The following NCAM2 variants were observed in gnomAD, a reference collection of about 807,000 sequenced individuals.
The protein encoded by NCAM2 is N-CAM-2.
NCAM2 carries 30 observed loss-of-function variants against 98.1 expected under a neutral mutation model. The observed-to-expected ratio is 0.31, with a 90% CI of 0.23 to 0.41. The LOEUF (loss-of-function observed/expected upper bound fraction) is 0.41, where lower values mean the gene tolerates loss of function less well. NCAM2 is among the 10% of genes least tolerant of loss of function. The pLI is 1.00. For missense variants in NCAM2, 867 were observed against 1,005.8 expected (o/e 0.86, Z 1.87); for synonymous variants, 368 against 342.4 (o/e 1.07, Z -0.83).
chr21:20,998,849 G>C (rs2063968164), intron 1 of NCAM2, among the ~76,000 whole-genome samples: 2 of 152,138 alleles, frequency 1.3e-5, no homozygotes, highest in Non-Finnish European at 1.5e-5. Flanking sequence ...AGGGGAATCG[G>C]TGAGCAGGAT....
intron 16 of NCAM2, among the ~76,000 whole-genome samples, chr21:21,512,921 G>T (rs897198118): frequency 2.0e-5 from 3 of 151,850 alleles, no homozygotes; most frequent in Non-Finnish European, 4.4e-5. Flanking sequence ...ACTGATTATT[G>T]TACGTTGATT....
chr21:21,418,191 G>A (rs542129361), intron 10 of NCAM2, among the ~76,000 whole-genome samples: 278 of 152,034 alleles, frequency 1.8e-3, no homozygotes, highest in Non-Finnish European at 3.0e-3. Context: ...TAATGGTTAT[G>A]CTATTTAATA....
At chr21:21,264,882 ATATATATATGTGTGTG>A (rs2072080848) in intron 1 of NCAM2, among the ~76,000 whole-genome samples, 1 of 66,062 alleles carries the variant, frequency 1.5e-5, no homozygotes, top group Non-Finnish European at 2.7e-5. Flanking sequence ...TCATAGTGGG[ATATATATATGTGTGTG>A]TATATATATA....
intron 15 of NCAM2, among the ~76,000 whole-genome samples, chr21:21,498,305 C>G (rs934904933): frequency 6.6e-6 from 1 of 152,098 alleles, no homozygotes; most frequent in Non-Finnish European, 1.5e-5. Flanking sequence ...TATTCCAAAA[C>G]TCATTTCATA....
intron 1 of NCAM2, among the ~76,000 whole-genome samples, chr21:21,269,983 T>A (rs921893788): frequency 1.3e-5 from 2 of 152,180 alleles, no homozygotes; most frequent in African/African-American, 4.8e-5. Context: ...AGGTTTATGC[T>A]AACCTTAGTC....
intron 16 of NCAM2, among the ~76,000 whole-genome samples, chr21:21,528,399 C>T (rs1459925844): frequency 6.6e-6 from 1 of 152,076 alleles, no homozygotes; most frequent in Non-Finnish European, 1.5e-5. Context: ...AAATGCACCC[C>T]TCTGGTGGGA....
chr21:21,159,758 CCT>C (rs746362448), intron 1 of NCAM2, among the ~76,000 whole-genome samples: 1 of 151,708 alleles, frequency 6.6e-6, no homozygotes, highest in Non-Finnish European at 1.5e-5. Flanking sequence ...TCTCTCTCTC[CCT>C]CTCTCTCTGT....
chr21:21,000,511 C>T (rs2063999545), intron 1 of NCAM2, among the ~76,000 whole-genome samples: 1 of 151,964 alleles, frequency 6.6e-6, no homozygotes, highest in Non-Finnish European at 1.5e-5. Flanking sequence ...GTACATGTAA[C>T]ATAGATGTGA....
chr21:21,078,696 A>G (rs989462674), intron 1 of NCAM2, among the ~76,000 whole-genome samples: 2 of 152,208 alleles, frequency 1.3e-5, no homozygotes, highest in Non-Finnish European at 2.9e-5. Context: ...TATATACCCA[A>G]AGGAATATAA....
intron 8 of NCAM2, among the ~76,000 whole-genome samples, chr21:21,344,842 G>C (rs1007886004): frequency 1.3e-5 from 2 of 152,150 alleles, no homozygotes; most frequent in Non-Finnish European, 2.9e-5. Flanking sequence ...TGCTGTGGTG[G>C]CTTGAGGTCT....
At chr21:21,048,145 A>G (rs1347126391) in intron 1 of NCAM2, among the ~76,000 whole-genome samples, 2 of 152,184 alleles carry the variant, frequency 1.3e-5, no homozygotes, top group African/African-American at 4.8e-5. Flanking sequence ...AACATTTTAC[A>G]ACCTGCTCTC....
At chr21:21,419,503 C>G (rs2077067048) in intron 11 of NCAM2, among the ~76,000 whole-genome samples, 1 of 138,428 alleles carries the variant, frequency 7.2e-6, no homozygotes, top group African/African-American at 2.7e-5. Flanking sequence ...AATGCTATCC[C>G]TCCTCCCTCC....
At chr21:21,073,138 A>G (rs889546209) in intron 1 of NCAM2, among the ~76,000 whole-genome samples, 1 of 152,180 alleles carries the variant, frequency 6.6e-6, no homozygotes, top group Non-Finnish European at 1.5e-5. Context: ...CATATGCAGC[A>G]TATGTCAAAA....
intron 12 of NCAM2, among the ~76,000 whole-genome samples, chr21:21,443,970 G>C (rs1440064617): frequency 1.3e-5 from 2 of 152,158 alleles, no homozygotes; most frequent in East Asian, 1.9e-4. Context: ...GATATTGGCT[G>C]TGGGTTTGTC....
intron 1 of NCAM2, among the ~76,000 whole-genome samples, chr21:21,053,559 T>C (rs1186981706): frequency 6.6e-6 from 1 of 151,452 alleles, no homozygotes; most frequent in Non-Finnish European, 1.5e-5. Context: ...ATTGTTTTAA[T>C]TTTTGCCATT....
rs1483062198 is a variant in NCAM2, at chr21:21,331,517, C to CTCTCTCTCTCTCTATATATA, written c.738-3987_738-3986insCTCTCTCTCTCTATATATAT. 6.9e-3 allele frequency among the ~76,000 whole-genome samples: 48 copies of CTCTCTCTCTCTCTATATATA among 6,938 alleles called. 3 individuals are homozygous for CTCTCTCTCTCTCTATATATA. The highest frequency in any genetic ancestry group is 0.026 in the African/African-American group (47 of 1,816). The allele number at this position is 6,938 out of a possible 152,430, so 4.6% of individuals were successfully genotyped here. ...TATATATACTCTATACTCTCTCTCT[C>CTCTCTCTCTCTCTATATATA]TATATATATATATATATACTCTATA... On this transcript the variant is annotated intron_variant, in intron 6 of 17. Transcript: ENST00000400546.
At chr21:21,219,476 A>G (rs1237649400) in intron 1 of NCAM2, among the ~76,000 whole-genome samples, 1 of 152,196 alleles carries the variant, frequency 6.6e-6, no homozygotes, top group Non-Finnish European at 1.5e-5. Flanking sequence ...ATTTCCTATC[A>G]CCTAGTGACA....
chr21:21,359,798 T>C (rs2075597211), intron 8 of NCAM2, among the ~76,000 whole-genome samples: 1 of 151,904 alleles, frequency 6.6e-6, no homozygotes, highest in Admixed American at 6.6e-5. Context: ...ATCGTATCAC[T>C]ATAAAGAAGT....
intron 10 of NCAM2, among the ~76,000 whole-genome samples, chr21:21,418,023 A>C (rs1602278882): frequency 6.6e-6 from 1 of 152,198 alleles, no homozygotes; most frequent in East Asian, 1.9e-4. Context: ...CATAAAAAAC[A>C]GTTAACAATG....
Sources: gnomAD v4.1 joint callset for allele counts (sites outside exome capture counted in the v4.1 genomes callset) on GRCh38, gnomAD v4.1.1 for gene constraint, MANE v1.5 for transcripts, NCBI Gene and HGNC (gene_info 2026-07-23, HGNC 2026-07-21) for gene names.